The following SLC30A9 variants were observed in gnomAD, a reference collection of about 807,000 sequenced individuals.
SLC30A9 encodes the protein solute carrier family 30 member 9, also known as proton-coupled zinc antiporter SLC30A9, mitochondrial.
A neutral mutation model predicts 87.5 loss-of-function variants in SLC30A9; 58 were observed. That is an observed-to-expected ratio of 0.66 (90% CI 0.54 to 0.82). The LOEUF (loss-of-function observed/expected upper bound fraction) is 0.82. SLC30A9 is among the 40% of genes least tolerant of loss of function. The probability of loss-of-function intolerance (pLI) is 0.00; values close to 1 mark genes in which losing one functional copy is unlikely to be tolerated. For synonymous variants in SLC30A9, 234 were observed against 233.0 expected (o/e 1.00, Z -0.04); for missense variants, 557 against 679.1 (o/e 0.82, Z 2.00).
intron 9 of SLC30A9, among the ~76,000 whole-genome samples, chr4:42,051,206 AC>A (rs1717369086): frequency 6.6e-6 from 1 of 152,174 alleles, no homozygotes; most frequent in African/African-American, 2.4e-5. Flanking sequence ...ATTATTCTTA[AC>A]GTAAAGGCTG....
At position 42,069,802 on chromosome 4, in the gene SLC30A9, A is replaced by G. The variant is rs151037472; in HGVS notation, c.1253-724A>G. Among the ~76,000 whole-genome samples, 1,379 of 152,314 alleles carry G rather than the reference A, an allele frequency of 9.1e-3. 22 individuals are homozygous for G. The highest frequency in any genetic ancestry group is 0.032 in the African/African-American group (1,325 of 41,562). ...AGAGAAGCCCTGACAACCTAAGGCA[A>G]ATATTAGAATCAGAATCACCTGAAG... On this transcript the variant is annotated intron_variant, in intron 14 of 17. Transcript: ENST00000264451.
chr4:42,031,619 A>G (rs1044495450), intron 6 of SLC30A9, among the ~76,000 whole-genome samples: 1 of 152,238 alleles, frequency 6.6e-6, no homozygotes, highest in Non-Finnish European at 1.5e-5. Context: ...GATCATCATC[A>G]ATAGATGAAC....
chr4:42,067,328 C>A, intron 14 of SLC30A9, 136 bp downstream of exon 14: 1 of 597,120 alleles, frequency 1.7e-6, no homozygotes, highest in Non-Finnish European at 3.0e-6. Context: ...TAATCATTGA[C>A]TTATGTAAGA....
In SLC30A9 at chr4:42,064,890, C is replaced by G. The variant is rs192469670; in HGVS notation, c.1033-420C>G. 1.7e-3 allele frequency among the ~76,000 whole-genome samples: 256 copies of G among 151,930 alleles called. 3 individuals carry two copies. The highest frequency in any genetic ancestry group is 9.7e-4 in the Non-Finnish European group (66 of 67,928). ...TCATTAAAATAAAAAAAATGTGTTG[C>G]TAGGTTAACTTTTTTTTTTTGATAC... On this transcript the variant is annotated intron_variant, in intron 11 of 17. Transcript: ENST00000264451.
chr4:42,062,323 T>C (rs1717890297), intron 10 of SLC30A9, among the ~76,000 whole-genome samples: 1 of 152,226 alleles, frequency 6.6e-6, no homozygotes, highest in African/African-American at 2.4e-5. Flanking sequence ...TCTAGTATGT[T>C]ATTAATATAT....
chr4:42,072,214 A>G (rs991049674), intron 15 of SLC30A9, among the ~76,000 whole-genome samples: 4 of 151,994 alleles, frequency 2.6e-5, no homozygotes, highest in African/African-American at 7.2e-5. Flanking sequence ...TTTCTAAAGA[A>G]CCAGCTTTTG....
intron 6 of SLC30A9, chr4:42,029,961 C>A (rs1202407301): frequency 1.1e-6 from 1 of 878,608 alleles, no homozygotes; most frequent in Non-Finnish European, 1.9e-6. Context: ...TGGCAAACTC[C>A]TGCAGCCCAA....
intron 14 of SLC30A9, among the ~76,000 whole-genome samples, chr4:42,068,432 G>A (rs1383045871): frequency 1.3e-5 from 2 of 151,592 alleles, no homozygotes; most frequent in Admixed American, 6.6e-5. Context: ...CATTAGAGAC[G>A]GGGTTTCTCC....
At chr4:42,002,111 A>C (rs1715010825) in intron 2 of SLC30A9, among the ~76,000 whole-genome samples, 1 of 150,994 alleles carries the variant, frequency 6.6e-6, no homozygotes, top group African/African-American at 2.4e-5. Context: ...TTTCTTGGCT[A>C]GTCTTCCCAG....
chr4:42,062,389 A>C (rs182495832), intron 10 of SLC30A9, among the ~76,000 whole-genome samples: 1 of 152,250 alleles, frequency 6.6e-6, no homozygotes, highest in Admixed American at 6.5e-5. Flanking sequence ...ATACAAAATA[A>C]TGTACATATT....
At chr4:42,029,413 C>G in intron 6 of SLC30A9, 1 of 600,458 alleles carries the variant, frequency 1.7e-6, no homozygotes, top group Non-Finnish European at 3.2e-6. Flanking sequence ...ACCCACATAT[C>G]AGAACCACAT....
At chr4:42,012,152 CT>C (rs1478574818) in intron 2 of SLC30A9, among the ~76,000 whole-genome samples, 1 of 152,110 alleles carries the variant, frequency 6.6e-6, no homozygotes, top group African/African-American at 2.4e-5. Flanking sequence ...AAATCTACCC[CT>C]GACACTTTGT....
chr4:42,012,064 A>G (rs866011492), intron 2 of SLC30A9, among the ~76,000 whole-genome samples: 1 of 152,052 alleles, frequency 6.6e-6, no homozygotes. Flanking sequence ...GAGAGATGAG[A>G]ATTTTTCAGA....
At chr4:42,068,152 A>G (rs1300312036) in intron 14 of SLC30A9, among the ~76,000 whole-genome samples, 1 of 152,148 alleles carries the variant, frequency 6.6e-6, no homozygotes, top group Non-Finnish European at 1.5e-5. Flanking sequence ...TATGTAGCCC[A>G]CATTTATTTC....
rs547389283 is a variant in SLC30A9 at position 42,023,766 on chromosome 4, A to G, written c.610+382A>G. ...CCAAGACTGGGTAGTTTATAAACAA[A>G]GGAGATTTAACTGACTCACAGTTCC... On this transcript the variant is annotated intron_variant, in intron 6 of 17. Coordinates refer to ENST00000264451, the MANE Select transcript of SLC30A9 (RefSeq NM_006345.4). Among the ~76,000 whole-genome samples, 6 of 152,316 alleles carry G rather than the reference A, an allele frequency of 3.9e-5. No homozygotes were observed. The South Asian group carries it at 1.2e-3, about 32-fold the overall frequency.
intron 16 of SLC30A9, among the ~76,000 whole-genome samples, chr4:42,076,130 G>A (rs376512118): frequency 2.6e-5 from 4 of 152,236 alleles, no homozygotes; most frequent in South Asian, 4.1e-4. Flanking sequence ...TAGTGCCACA[G>A]AGATGGAGTC....
intron 6 of SLC30A9, among the ~76,000 whole-genome samples, chr4:42,034,543 G>A (rs1375375981): frequency 6.6e-6 from 1 of 151,910 alleles, no homozygotes; most frequent in East Asian, 1.9e-4. Context: ...TTTGAGATGG[G>A]CTTATTTCAC....
At chr4:42,011,755 G>GGACT (rs1370107959) in intron 2 of SLC30A9, among the ~76,000 whole-genome samples, 1 of 152,068 alleles carries the variant, frequency 6.6e-6, no homozygotes, top group Non-Finnish European at 1.5e-5. Context: ...GTTAAATGAA[G>GGACT]GACTCATATT....
At chr4:42,042,859 A>T (rs1417145626) in intron 8 of SLC30A9, among the ~76,000 whole-genome samples, 1 of 152,182 alleles carries the variant, frequency 6.6e-6, no homozygotes, top group African/African-American at 2.4e-5. Context: ...CTCCTCTGGG[A>T]TGAAGCTTCC....
Sources: gnomAD v4.1 joint callset for allele counts (sites outside exome capture counted in the v4.1 genomes callset) on GRCh38, gnomAD v4.1.1 for gene constraint, MANE v1.5 for transcripts, NCBI Gene and HGNC (gene_info 2026-07-23, HGNC 2026-07-21) for gene names.